Variants in ICA1L observed in about 807,000 individuals in gnomAD.
ICA1L encodes the protein islet cell autoantigen 1-like protein.
Under a neutral mutation model 61.3 loss-of-function variants are expected in ICA1L, and 50 were observed. That is an observed-to-expected ratio of 0.82 (90% CI 0.65 to 1.03). ICA1L has a LOEUF of 1.03. Ranked by LOEUF, ICA1L falls within the 50% of genes least tolerant of loss-of-function variation. ICA1L has a pLI of 0.00. For missense variants in ICA1L, 508 were observed against 556.7 expected, an observed-to-expected ratio of 0.91 and a Z score of 0.88; for synonymous variants, 161 against 191.3, an observed-to-expected ratio of 0.84 and a Z score of 1.31.
chr2:202,871,691 C>A lies in ICA1L; in HGVS notation c.-80G>T, dbSNP rs1043893381. On this transcript the variant is annotated 5_prime_UTR_variant, in exon 1 of 13. Transcript: ENST00000358299. ...TCCGTCCCGGCACCCGTTCCGGCCA[C>A]CGCCCGCGAGCCCCGCGCCGACTCC... 1.3e-5 allele frequency: 2 copies of A among 152,672 alleles called. No homozygotes were observed. The highest frequency in any genetic ancestry group is 4.8e-5 in the African/African-American group (2 of 41,472). The allele number at this position is 152,672 out of a possible 1,614,324, so 9.5% of individuals were successfully genotyped here.
At chr2:202,779,759 A>T in intron 12 of ICA1L, 111 bp from the exon 13 acceptor site, 1 of 632,654 alleles carries the variant, frequency 1.6e-6, no homozygotes, top group Admixed American at 3.2e-5. Context: ...GAAAAAATTA[A>T]GATAACTGAC....
In ICA1L at chr2:202,789,085, C is replaced by T; in HGVS notation, c.988G>A (p.Ala330Thr). The change falls in exon 11 of 13, where the codon GCA (alanine) becomes ACA (threonine). Residue 330 changes from alanine to threonine, a missense_variant and splice_region_variant. Coordinates refer to ENST00000358299, the MANE Select transcript of ICA1L (RefSeq NM_001288622.3). ...AATGAATCTACAGGTAGATCTTTTG[C>T]AACTATTGAGTGTAAATAAAAACAG... is the stretch of plus-strand genomic sequence containing the variant. ...APQFSNSENV[A>T]KDLPVDSLEG... 2 of 1,604,882 alleles carry T rather than the reference C, an allele frequency of 1.2e-6. No individual in the cohort carries two copies. Among genetic ancestry groups the T allele is most frequent in the Non-Finnish European group, 1.7e-6 (2 of 1,176,740 alleles).
chr2:202,850,851 G>C (rs1694597812), intron 1 of ICA1L, among the ~76,000 whole-genome samples: 1 of 152,046 alleles, frequency 6.6e-6, no homozygotes, highest in African/African-American at 2.4e-5. Flanking sequence ...GATTCTCCAA[G>C]GTGAAACGAA....
At chr2:202,788,136 C>A (rs907452765) in intron 11 of ICA1L, among the ~76,000 whole-genome samples, 2 of 152,180 alleles carry the variant, frequency 1.3e-5, no homozygotes, top group Non-Finnish European at 2.9e-5. Context: ...CATGGTGTTT[C>A]ATTTTATAAA....
At position 202,773,695 on chromosome 2, in the gene ICA1L, A is replaced by G; in HGVS notation, c.*5838T>C. ...GATGCCCAAGAGCTATCATTAATAT[A>G]TACAGCATATTGACTCTAGTTGCAT... On this transcript the variant is annotated 3_prime_UTR_variant, in exon 13 of 13. Transcript: ENST00000358299. 3 of 946,746 alleles carry G rather than the reference A, an allele frequency of 3.2e-6. No homozygotes were observed. 58.6% of individuals were successfully genotyped at this position (946,746 alleles called of 1,614,324 possible).
chr2:202,788,906 C>G lies in ICA1L; in HGVS notation c.1167G>C (p.Glu389Asp). The G allele has an allele frequency of 6.2e-7, 1 of 1,614,110 alleles. No individual in the cohort carries two copies. The highest frequency in any genetic ancestry group is 8.5e-7 in the Non-Finnish European group (1 of 1,179,986). Residue 389 changes from glutamate to aspartate, a missense_variant, in exon 11 of 13, where the codon GAG becomes GAC. Glu to Asp is a conservative substitution (Grantham distance 45, BLOSUM62 2). Coordinates refer to ENST00000358299, the MANE Select transcript of ICA1L (RefSeq NM_001288622.3). ...GGAATCGAGAAGAATGAGCGAGGGG[C>G]TCAGACCCCATGGAAGGCTCCTGGG... The part of the protein sequence containing the change: ...LTSQEPSMGS[E>D]PLAHSSRFLP...
chr2:202,781,233 A>G (rs1692391775), intron 12 of ICA1L, among the ~76,000 whole-genome samples: 1 of 152,180 alleles, frequency 6.6e-6, no homozygotes, highest in African/African-American at 2.4e-5. Flanking sequence ...CAAATTAAAC[A>G]TAATGTTCAT....
In ICA1L at chr2:202,774,178, G is replaced by T. The variant is rs1439370061; in HGVS notation, c.*5355C>A. The T allele has an allele frequency of 6.5e-7, 1 of 1,550,256 alleles. No individual in the cohort carries two copies. Among genetic ancestry groups the T allele is most frequent in the Non-Finnish European group, 8.7e-7 (1 of 1,145,852 alleles). ...CTTCATATCTGAGCGGCTTCTTGGA[G>T]AGCGGGCACACCAGGAACTCCAGCA... On this transcript the variant is annotated 3_prime_UTR_variant, in exon 13 of 13. Coordinates refer to ENST00000358299, the MANE Select transcript of ICA1L (RefSeq NM_001288622.3).
chr2:202,859,886 A>G (rs1694864714), intron 1 of ICA1L, among the ~76,000 whole-genome samples: 2 of 152,164 alleles, frequency 1.3e-5, no homozygotes, highest in Admixed American at 1.3e-4. Context: ...TATCCCCAGA[A>G]AGCTAAAAAT....
At chr2:202,840,527 T>C (rs886317968) in intron 1 of ICA1L, 3 of 546,102 alleles carry the variant, frequency 5.5e-6, no homozygotes, top group South Asian at 1.4e-5. Flanking sequence ...ACCACCTGCA[T>C]AGCCACTGGT....
rs1692318096 is a variant in ICA1L at position 202,779,197 on chromosome 2, G to GAAAT, written c.*332_*335dup. The GAAAT allele has an allele frequency of 1.0e-5, 2 of 198,576 alleles. No homozygotes were observed. The highest frequency in any genetic ancestry group is 2.0e-5 in the Non-Finnish European group (2 of 99,286). The allele number at this position is 198,576 out of a possible 1,614,324, so 12.3% of individuals were successfully genotyped here. On this transcript the variant is annotated 3_prime_UTR_variant, in exon 13 of 13. Transcript: ENST00000358299. ...AAGGCAACTTAAAAGGGTTTCCAAAGAAATAAGCTCAACTCCATATTGACA... is the reference window on the plus strand; with the variant it reads ...AAGGCAACTTAAAAGGGTTTCCAAAGAAATAAATAAGCTCAACTCCATATTGACA...
At chr2:202,781,430 A>G (rs1369764951) in intron 12 of ICA1L, among the ~76,000 whole-genome samples, 1 of 151,566 alleles carries the variant, frequency 6.6e-6, no homozygotes, top group Non-Finnish European at 1.5e-5. Context: ...AAAAATTAGC[A>G]GGGCGTGGTG....
At chr2:202,793,494 T>TAAAAAAAAAA (rs755015399) in intron 10 of ICA1L, among the ~76,000 whole-genome samples, 2 of 31,332 alleles carry the variant, frequency 6.4e-5, no homozygotes, top group African/African-American at 2.9e-4. Context: ...CCGTCTCTAC[T>TAAAAAAAAAA]AAAAAAAAAA....
Position 202,773,960 on chromosome 2 carries a change from C to G in ICA1L, c.*5573G>C. 1.9e-6 allele frequency: 2 copies of G among 1,063,882 alleles called. No individual in the cohort carries two copies. Among genetic ancestry groups the G allele is most frequent in the Non-Finnish European group, 2.8e-6 (2 of 716,170 alleles). 65.9% of individuals were successfully genotyped at this position (1,063,882 alleles called of 1,614,324 possible). On this transcript the variant is annotated 3_prime_UTR_variant, in exon 13 of 13. Transcript: ENST00000358299. ...TTCTTCTCTTCCGCTTATTACTTGC[C>G]ACTGTGTTTTAAAAGGTATATGGTA...
intron 11 of ICA1L, 102 bp downstream of exon 11, chr2:202,788,728 T>C: frequency 2.4e-6 from 3 of 1,231,720 alleles, no homozygotes; most frequent in Non-Finnish European, 3.5e-6. Flanking sequence ...GTGCTGACAT[T>C]AAAATCAATC....
chr2:202,852,313 G>A (rs1386969927), intron 1 of ICA1L, among the ~76,000 whole-genome samples: 2 of 152,004 alleles, frequency 1.3e-5, no homozygotes, highest in Non-Finnish European at 2.9e-5. Flanking sequence ...AGATCCTTGA[G>A]GAATTGCCAC....
chr2:202,858,000 G>A (rs1694812021), intron 1 of ICA1L, among the ~76,000 whole-genome samples: 2 of 152,164 alleles, frequency 1.3e-5, no homozygotes, highest in South Asian at 4.1e-4. Flanking sequence ...GGAGAAATAG[G>A]AATGCTTTTA....
rs1312101081 is a variant in ICA1L at position 202,774,270 on chromosome 2, C to T, written c.*5263G>A. Reference sequence around the variant, plus strand: ...CTCCTGTCGGCCAAAGGCCGTGACCCCGACGCGTGCAGGCACCTACGGGCG... The same window carrying T: ...CTCCTGTCGGCCAAAGGCCGTGACCTCGACGCGTGCAGGCACCTACGGGCG... On this transcript the variant is annotated 3_prime_UTR_variant, in exon 13 of 13. Coordinates refer to ENST00000358299, the MANE Select transcript of ICA1L (RefSeq NM_001288622.3). 9 of 1,544,058 alleles carry T rather than the reference C, an allele frequency of 5.8e-6. No individual in the cohort carries two copies. The East Asian group carries it at 2.2e-4, about 38-fold the overall frequency.
Position 202,811,802 on chromosome 2 carries a change from C to CAA in ICA1L, c.867-15_867-14dup. 2.6e-6 allele frequency: 4 copies of CAA among 1,556,352 alleles called. No homozygotes were observed. Among genetic ancestry groups the CAA allele is most frequent in the African/African-American group, 1.4e-5 (1 of 72,602 alleles). On this transcript the variant is annotated splice_polypyrimidine_tract_variant and intron_variant, in intron 8 of 12. Coordinates refer to ENST00000358299, the MANE Select transcript of ICA1L (RefSeq NM_001288622.3). ...AGACAAAACTAGCCTGAAGTAAAAA[C>CAA]AAAAAAAAATGTAGATTTTTTGTTA... is the stretch of plus-strand genomic sequence containing the variant.
Sources: allele counts gnomAD v4.1 joint callset (sites outside exome capture counted in the v4.1 genomes callset), GRCh38; gene constraint gnomAD v4.1.1; transcripts MANE v1.5; gene names NCBI Gene and HGNC (gene_info 2026-07-23, HGNC 2026-07-21).